KCNH1: variants seen among roughly 807,000 people sequenced by gnomAD.
KCNH1 encodes the protein potassium voltage-gated channel subfamily H member 1.
KCNH1 carries 27 observed loss-of-function variants against 69.2 expected under a neutral mutation model. The ratio of observed to expected loss-of-function variants is 0.39; its 90% CI spans 0.29 to 0.54. KCNH1 has a LOEUF of 0.54. Among genes scored for constraint, KCNH1 ranks in the 20% least tolerant of loss-of-function variants. The pLI, the probability that KCNH1 is intolerant of heterozygous loss-of-function variation, is 0.68. For missense variants in KCNH1, 798 were observed against 1,261.6 expected (o/e 0.63, Z 5.57); for synonymous variants, 456 against 487.7 (o/e 0.93, Z 0.86).
chr1:210,750,415 G>A (rs953055964), intron 10 of KCNH1, among the ~76,000 whole-genome samples: 2 of 152,052 alleles, frequency 1.3e-5, no homozygotes, highest in African/African-American at 2.4e-5. Context: ...CAGCTGCATC[G>A]AAAACATTTA....
chr1:210,759,502 C>A (rs559081632), intron 10 of KCNH1, among the ~76,000 whole-genome samples: 1 of 151,890 alleles, frequency 6.6e-6, no homozygotes, highest in Non-Finnish European at 1.5e-5. Context: ...GAAAAATTCA[C>A]GGCAGGAATT....
rs57669878 is a variant in KCNH1, at chr1:210,738,552, C to CTTTTTTTTTT, written c.2112+36786_2112+36795dup. On this transcript the variant is annotated intron_variant, in intron 10 of 10. Transcript: ENST00000271751. ...CTGTATTCCTGGCTTGGCTTTTTTG[C>CTTTTTTTTTT]TTTTTTTTTTTTTTTTTTTTTTTTT... Among the ~76,000 whole-genome samples, 109 of 49,148 alleles carry CTTTTTTTTTT rather than the reference C, an allele frequency of 2.2e-3. 8 individuals are homozygous for CTTTTTTTTTT. Among genetic ancestry groups the CTTTTTTTTTT allele is most frequent in the East Asian group, 8.1e-3 (13 of 1,610 alleles). 32.2% of individuals were successfully genotyped at this position (49,148 alleles called of 152,430 possible).
chr1:210,720,805 C>G (rs1042456636), intron 10 of KCNH1, among the ~76,000 whole-genome samples: 1 of 152,184 alleles, frequency 6.6e-6, no homozygotes, highest in African/African-American at 2.4e-5. Context: ...GGAGCAATTA[C>G]AGAAGCTGAG....
rs886542945 is a variant in KCNH1, at chr1:210,797,749, G to A, written c.1674C>T (p.Ile558=). 6.2e-7 allele frequency: 1 copy of A among 1,612,592 alleles called. No homozygotes were observed. The highest frequency in any genetic ancestry group is 8.5e-7 in the Non-Finnish European group (1 of 1,178,742). ...RGIDTEKVLQ[I]CPKDMRADIC... The stretch of plus-strand genomic sequence containing the variant: ...TGTCGGCTCTCATGTCCTTGGGGCA[G>A]ATCTGCAGGACCTAGCCAGGTACAG... Residue 558 remains isoleucine (I), a synonymous_variant, in exon 9 of 11, where the codon ATC becomes ATT. Transcript: ENST00000271751.
intron 2 of KCNH1, among the ~76,000 whole-genome samples, chr1:211,105,890 G>A (rs1691339898): frequency 6.6e-6 from 1 of 152,008 alleles, no homozygotes; most frequent in African/African-American, 2.4e-5. Context: ...AACATTTGAG[G>A]GAAGAATCTT....
At chr1:210,858,574 A>G (rs763214035) in intron 7 of KCNH1, 2 of 152,322 alleles carry the variant, frequency 1.3e-5, no homozygotes, top group African/African-American at 2.4e-5. Flanking sequence ...ACAGAGTTTT[A>G]TAATCAGTTA....
At chr1:210,711,867 T>C (rs1682083228) in intron 10 of KCNH1, among the ~76,000 whole-genome samples, 3 of 152,198 alleles carry the variant, frequency 2.0e-5, no homozygotes, top group Admixed American at 1.3e-4. Context: ...AGTGGGGAAC[T>C]TGTGGCTCTC....
Position 210,789,692 on chromosome 1 carries a change from T to G in KCNH1, c.1915+7816A>C, listed in dbSNP as rs1449832207. Among the ~76,000 whole-genome samples the G allele has an allele frequency of 2.0e-5, 3 of 152,308 alleles. No homozygotes were observed. The East Asian group carries it at 5.8e-4, about 29-fold the overall frequency. ...CTTGAAAGACAAATATTTAAAAAAA[T>G]TAAAATATCCTAAAGCCTCACAAAC... On this transcript the variant is annotated intron_variant, in intron 9 of 10. Transcript: ENST00000271751.
chr1:210,943,326 TTTTA>T (rs1262031073), intron 6 of KCNH1, among the ~76,000 whole-genome samples: 1 of 148,326 alleles, frequency 6.7e-6, no homozygotes, highest in East Asian at 1.9e-4. Context: ...CCCTTCTTTT[TTTTA>T]TTTTTTATTT....
chr1:210,730,373 C>G (rs1163276751), intron 10 of KCNH1, among the ~76,000 whole-genome samples: 1 of 152,058 alleles, frequency 6.6e-6, no homozygotes, highest in Admixed American at 6.6e-5. Flanking sequence ...TTATCTATGT[C>G]AGAAAGAGCT....
chr1:211,096,015 CAT>C (rs1165325313), intron 3 of KCNH1, among the ~76,000 whole-genome samples: 2 of 151,846 alleles, frequency 1.3e-5, no homozygotes, highest in African/African-American at 4.8e-5. Flanking sequence ...AAAATACCCA[CAT>C]GTCTGAGACA....
At chr1:211,109,748 G>A (rs1691423172) in intron 1 of KCNH1, among the ~76,000 whole-genome samples, 1 of 145,580 alleles carries the variant, frequency 6.9e-6, no homozygotes. Context: ...ATGAAAATTA[G>A]GTTAAAAAGA....
At chr1:210,924,627 C>T (rs1687530741) in intron 6 of KCNH1, among the ~76,000 whole-genome samples, 1 of 152,070 alleles carries the variant, frequency 6.6e-6, no homozygotes, top group Admixed American at 6.6e-5. Context: ...ACACTAAAAA[C>T]ATGAGACTTC....
intron 1 of KCNH1, among the ~76,000 whole-genome samples, chr1:211,124,034 G>A (rs536654756): frequency 1.2e-3 from 176 of 152,266 alleles, no homozygotes; most frequent in Middle Eastern, 6.8e-3. Context: ...AGGTGGGAAA[G>A]CATAAAGGAG....
chr1:211,062,431 A>G (rs1370386227), intron 5 of KCNH1, among the ~76,000 whole-genome samples: 1 of 152,198 alleles, frequency 6.6e-6, no homozygotes, highest in African/African-American at 2.4e-5. Flanking sequence ...AATACCACAC[A>G]AGTACAGGCA....
chr1:210,794,955 G>A (rs61829499), intron 9 of KCNH1, among the ~76,000 whole-genome samples: 38,812 of 151,964 alleles, frequency 0.26, 6,258 homozygotes, highest in African/African-American at 0.46. Flanking sequence ...AATGGTTTTT[G>A]CCTTCATGAG....
At chr1:211,079,472 C>G (rs1690809558) in intron 5 of KCNH1, among the ~76,000 whole-genome samples, 1 of 152,126 alleles carries the variant, frequency 6.6e-6, no homozygotes, top group Non-Finnish European at 1.5e-5. Context: ...TTTTACGAGG[C>G]CAGCATCATC....
intron 7 of KCNH1, among the ~76,000 whole-genome samples, chr1:210,870,899 C>T (rs999261251): frequency 6.6e-6 from 1 of 152,172 alleles, no homozygotes; most frequent in Non-Finnish European, 1.5e-5. Flanking sequence ...ATGAACAATG[C>T]TGCCTTTAGA....
chr1:210,896,945 C>T (rs1440369264), intron 7 of KCNH1, among the ~76,000 whole-genome samples: 2 of 152,196 alleles, frequency 1.3e-5, no homozygotes, highest in Non-Finnish European at 1.5e-5. Flanking sequence ...TAGCACATCC[C>T]TACAGCATTT....
Sources: allele counts gnomAD v4.1 joint callset (sites outside exome capture counted in the v4.1 genomes callset), GRCh38; gene constraint gnomAD v4.1.1; transcripts MANE v1.5; gene names NCBI Gene and HGNC (gene_info 2026-07-23, HGNC 2026-07-21).